RERE: variants seen among roughly 807,000 people sequenced by gnomAD.
RERE encodes arginine-glutamic acid dipeptide repeats protein.
RERE carries 40 observed loss-of-function variants against 146.1 expected under a neutral mutation model. The observed-to-expected ratio is 0.27, with a 90% CI of 0.21 to 0.36. The LOEUF (loss-of-function observed/expected upper bound fraction) is 0.36, where lower values mean the gene tolerates loss of function less well. Among genes scored for constraint, RERE ranks in the 10% least tolerant of loss-of-function variants. The probability of loss-of-function intolerance (pLI) is 1.00; values close to 1 mark genes in which losing one functional copy is unlikely to be tolerated. For synonymous variants in RERE, 1,003 were observed against 866.0 expected (o/e 1.16, Z -2.78); for missense variants, 1,933 against 2,138.7 (o/e 0.90, Z 1.90).
chr1:8,566,760 T>C (rs1467759070), intron 4 of RERE, among the ~76,000 whole-genome samples: 1 of 151,834 alleles, frequency 6.6e-6, no homozygotes, highest in Non-Finnish European at 1.5e-5. Flanking sequence ...ATAGCAGACT[T>C]CTGGAGGGAT....
At chr1:8,589,042 T>A (rs1646460482) in intron 4 of RERE, among the ~76,000 whole-genome samples, 1 of 151,954 alleles carries the variant, frequency 6.6e-6, no homozygotes, top group Non-Finnish European at 1.5e-5. Context: ...GAGAATCACT[T>A]CAACTGGGGA....
intron 1 of RERE, among the ~76,000 whole-genome samples, chr1:8,791,299 G>A (rs1183614592): frequency 6.6e-6 from 1 of 152,122 alleles, no homozygotes; most frequent in Non-Finnish European, 1.5e-5. Context: ...CTACATTGTT[G>A]GAGCATCATG....
intron 10 of RERE, among the ~76,000 whole-genome samples, chr1:8,493,310 T>C (rs1199153336): frequency 1.3e-5 from 2 of 152,178 alleles, no homozygotes; most frequent in Non-Finnish European, 2.9e-5. Flanking sequence ...AATAAAGATT[T>C]TGTATTTAAA....
intron 12 of RERE, among the ~76,000 whole-genome samples, chr1:8,412,762 A>C (rs993295176): frequency 6.6e-6 from 1 of 152,240 alleles, no homozygotes; most frequent in African/African-American, 2.4e-5. Context: ...TGGCAGAGTG[A>C]ACCCCAAGTC....
At chr1:8,530,155 C>T (rs919646499) in intron 7 of RERE, among the ~76,000 whole-genome samples, 2 of 152,108 alleles carry the variant, frequency 1.3e-5, no homozygotes, top group African/African-American at 4.8e-5. Flanking sequence ...TCCTGTGATC[C>T]CCATGTACAT....
intron 1 of RERE, among the ~76,000 whole-genome samples, chr1:8,728,691 T>C (rs1030059114): frequency 6.6e-6 from 1 of 152,172 alleles, no homozygotes; most frequent in African/African-American, 2.4e-5. Context: ...AAAACTAAGA[T>C]GCTATGCTCC....
intron 4 of RERE, among the ~76,000 whole-genome samples, chr1:8,569,695 T>C (rs1369243334): frequency 6.6e-6 from 1 of 152,180 alleles, no homozygotes; most frequent in Admixed American, 6.5e-5. Context: ...AGTTTGAGAC[T>C]AACTTGGACA....
At chr1:8,560,351 C>T (rs1646063032) in intron 4 of RERE, among the ~76,000 whole-genome samples, 1 of 152,178 alleles carries the variant, frequency 6.6e-6, no homozygotes, top group African/African-American at 2.4e-5. Context: ...CTAAATCTCC[C>T]CTGTGGGGAC....
Position 8,729,967 on chromosome 1 carries a change from T to C in RERE, c.-144-73526A>G, listed in dbSNP as rs537151668. Among the ~76,000 whole-genome samples, 5 of 152,346 alleles carry C rather than the reference T, an allele frequency of 3.3e-5. No individual in the cohort carries two copies. In the South Asian group the frequency reaches 6.2e-4, roughly 19 times the overall value. ...TGGCAGGGGAAAATAAAATTTTCTA[T>C]ATAACATACTATTTCACTCACATCA... On this transcript the variant is annotated intron_variant, in intron 1 of 22. Transcript: ENST00000400908.
intron 12 of RERE, among the ~76,000 whole-genome samples, chr1:8,382,685 G>A (rs1642499375): frequency 6.6e-6 from 1 of 152,214 alleles, no homozygotes; most frequent in African/African-American, 2.4e-5. Flanking sequence ...AGAACTCCGA[G>A]TGAGAACAGC....
chr1:8,394,851 G>A (rs1030294444), intron 12 of RERE, among the ~76,000 whole-genome samples: 2 of 152,060 alleles, frequency 1.3e-5, no homozygotes, highest in African/African-American at 4.8e-5. Context: ...CTTGGTTTTT[G>A]TTTGCATTTC....
intron 1 of RERE, among the ~76,000 whole-genome samples, chr1:8,747,768 T>C (rs1195055226): frequency 6.6e-6 from 1 of 152,078 alleles, no homozygotes; most frequent in African/African-American, 2.4e-5. Context: ...TTACTAAAGA[T>C]AATAAGAGAG....
rs1228032531 is a variant in RERE, at chr1:8,501,067, G to A, written c.880-3538C>T. Among the ~76,000 whole-genome samples, 48 of 79,122 alleles carry A rather than the reference G, an allele frequency of 6.1e-4. 1 individual carries two copies. The highest frequency in any genetic ancestry group is 2.0e-3 in the African/African-American group (43 of 21,726). The allele number at this position is 79,122 out of a possible 152,430, so 51.9% of individuals were successfully genotyped here. ...GGGTCAGCCCCCCGCCCGGCCAGCC[G>A]CCCCGTCCGGGAGGTGAGGGGCTCC... On this transcript the variant is annotated intron_variant, in intron 8 of 22. Coordinates refer to ENST00000400908, the MANE Select transcript of RERE (RefSeq NM_001042681.2).
intron 6 of RERE, among the ~76,000 whole-genome samples, chr1:8,542,289 A>G (rs1348732483): frequency 6.6e-6 from 1 of 152,188 alleles, no homozygotes; most frequent in East Asian, 1.9e-4. Context: ...TTCCCATTTC[A>G]TATCAAAAGC....
intron 1 of RERE, among the ~76,000 whole-genome samples, chr1:8,789,841 C>T (rs1641332176): frequency 6.6e-6 from 1 of 152,162 alleles, no homozygotes; most frequent in Non-Finnish European, 1.5e-5. Flanking sequence ...ACCCATTCTT[C>T]GATGGCCCAC....
At position 8,662,699 on chromosome 1, in the gene RERE, T is replaced by TA. The variant is rs112941455; in HGVS notation, c.-144-6259dup. Among the ~76,000 whole-genome samples the TA allele has an allele frequency of 9.9e-3, 1,499 of 151,754 alleles. 26 individuals are homozygous for TA. Among genetic ancestry groups the TA allele is most frequent in the African/African-American group, 0.035 (1,435 of 41,378 alleles). ...GGGAACAGAGTGAGACCCTGTCTCT[T>TA]AAAAAACAAAAAAAGAAAACCACTT... On this transcript the variant is annotated intron_variant, in intron 1 of 22. Transcript: ENST00000400908.
rs1024256517 is a variant in RERE at position 8,354,923 on chromosome 1, G to A, written c.*164C>T. On this transcript the variant is annotated 3_prime_UTR_variant, in exon 23 of 23. Coordinates refer to ENST00000400908, the MANE Select transcript of RERE (RefSeq NM_001042681.2). ...GTCTCAGGAAATCCTCTCGACAAACGAACACTACTATGTGGATACATTTTT... is the reference window on the plus strand; with the variant it reads ...GTCTCAGGAAATCCTCTCGACAAACAAACACTACTATGTGGATACATTTTT... 8.0e-6 allele frequency: 5 copies of A among 628,654 alleles called. No homozygotes were observed. The highest frequency in any genetic ancestry group is 1.9e-5 in the African/African-American group (1 of 53,932). The allele number at this position is 628,654 out of a possible 1,614,324, so 38.9% of individuals were successfully genotyped here.
chr1:8,756,654 G>T (rs1640644311), intron 1 of RERE, among the ~76,000 whole-genome samples: 1 of 152,110 alleles, frequency 6.6e-6, no homozygotes, highest in South Asian at 2.1e-4. Context: ...CTGCTTTGCT[G>T]TACTACTATA....
chr1:8,624,296 T>C lies in RERE; in HGVS notation c.396+14A>G. On this transcript the variant is annotated intron_variant, in intron 3 of 22. Coordinates refer to ENST00000400908, the MANE Select transcript of RERE (RefSeq NM_001042681.2). ...AATACAGAGCAGAGTGAACAGCACA[T>C]TAAAAACGCTTACCAGTTTGAAGTC... is the stretch of plus-strand genomic sequence containing the variant. The C allele has an allele frequency of 1.9e-6, 3 of 1,598,896 alleles. No homozygotes were observed. The highest frequency in any genetic ancestry group is 2.6e-6 in the Non-Finnish European group (3 of 1,168,094).
Sources: gnomAD v4.1 joint callset for allele counts (sites outside exome capture counted in the v4.1 genomes callset) on GRCh38, gnomAD v4.1.1 for gene constraint, MANE v1.5 for transcripts, NCBI Gene and HGNC (gene_info 2026-07-23, HGNC 2026-07-21) for gene names.